Variants in CS observed in about 807,000 individuals in gnomAD.
The protein encoded by CS is citrate synthase, also known as citrate synthase, mitochondrial.
In CS, 13 loss-of-function variants were observed where a neutral mutation model predicts 61.4. That is an observed-to-expected ratio of 0.21 (90% CI 0.14 to 0.34). The LOEUF (loss-of-function observed/expected upper bound fraction) is 0.34. CS is among the 10% of genes least tolerant of loss of function. The pLI is 1.00. For synonymous variants in CS, 159 were observed against 215.2 expected (o/e 0.74, Z 2.29); for missense variants, 278 against 573.4 (o/e 0.48, Z 5.26).
chr12:56,283,445 G>A (rs1250786726), intron 4 of CS, among the ~76,000 whole-genome samples: 5 of 151,934 alleles, frequency 3.3e-5, no homozygotes, highest in African/African-American at 7.3e-5. Flanking sequence ...GGGTTTCGCC[G>A]TGTTAGCCAG....
intron 1 of CS, among the ~76,000 whole-genome samples, chr12:56,295,094 CTT>C (rs113506359): frequency 9.9e-5 from 14 of 141,604 alleles, no homozygotes; most frequent in African/African-American, 1.6e-4. Flanking sequence ...ATTTAATGAA[CTT>C]TTTTTTTTTT....
rs748206006 is a variant in CS at position 56,282,478 on chromosome 12, C to T, written c.530G>A (p.Ser177Asn). The T allele has an allele frequency of 5.0e-6, 8 of 1,613,582 alleles. No homozygotes were observed. Among genetic ancestry groups the T allele is most frequent in the Non-Finnish European group, 6.8e-6 (8 of 1,179,858 alleles). Residue 177 changes from serine (S) to asparagine (N), a missense_variant, in exon 6 of 11, where the codon AGT (serine) becomes AAT (asparagine). This residue lies in a region of CS where 223 missense variants were observed against 503.5 expected (regional missense o/e 0.44). Coordinates refer to ENST00000351328, the MANE Select transcript of CS (RefSeq NM_004077.3). Reference sequence around the variant, plus strand: ...ATATGCTCGGGCAAAGTTACTTTCACTGTTGAGGGCTGTAACAGCTGCACT... The same window carrying T: ...ATATGCTCGGGCAAAGTTACTTTCATTGTTGAGGGCTGTAACAGCTGCACT... ...QLSAAVTALN[S>N]ESNFARAYAQ...
chr12:56,278,157 G>A (rs1321877931), intron 6 of CS, among the ~76,000 whole-genome samples: 1 of 151,390 alleles, frequency 6.6e-6, no homozygotes, highest in Non-Finnish European at 1.5e-5. Flanking sequence ...TTGAGACGGA[G>A]TCTCACCCTG....
At chr12:56,274,607 G>A in intron 9 of CS, 170 bp downstream of exon 9, 1 of 563,526 alleles carries the variant, frequency 1.8e-6, no homozygotes, top group Non-Finnish European at 3.1e-6. Context: ...GGGACTACAG[G>A]TGCATGCCAT....
rs749108006 is a variant in CS at position 56,285,933 on chromosome 12, G to C, written c.184C>G (p.Gln62Glu). 26 of 1,612,150 alleles carry C rather than the reference G, an allele frequency of 1.6e-5. No homozygotes were observed. Among genetic ancestry groups the C allele is most frequent in the Non-Finnish European group, 2.0e-5 (24 of 1,179,790 alleles). Residue 62 changes from glutamine (Q) to glutamate (E), a missense_variant, in exon 3 of 11, where the codon CAA (glutamine) becomes GAA (glutamate). Gln to Glu is a conservative substitution (Grantham distance 29). This residue lies in a region of CS where 223 missense variants were observed against 503.5 expected (regional missense o/e 0.44). Transcript: ENST00000351328. Reference sequence around the variant, plus strand: ...ACCCTTACCATGTCCACAGTGATTTGGCCCACCACCGTCTTGCCATGTTGC... The same window carrying C: ...ACCCTTACCATGTCCACAGTGATTTCGCCCACCACCGTCTTGCCATGTTGC... ...RQQHGKTVVGQITVDMMYGGM... is the reference protein window; with the variant it reads ...RQQHGKTVVGEITVDMMYGGM...
chr12:56,285,410 G>A (rs1872912505), intron 3 of CS, among the ~76,000 whole-genome samples: 1 of 152,250 alleles, frequency 6.6e-6, no homozygotes, highest in South Asian at 2.1e-4. Flanking sequence ...TGCCTCCCCA[G>A]TAGCTGGGAC....
In CS at chr12:56,274,757, C is replaced by T. The variant is rs371772089; in HGVS notation, c.1020+20G>A. 269 of 1,506,122 alleles carry T rather than the reference C, an allele frequency of 1.8e-4. No homozygotes were observed. Among genetic ancestry groups the T allele is most frequent in the Non-Finnish European group, 2.2e-4 (252 of 1,120,852 alleles). The allele number at this position is 1,506,122 out of a possible 1,614,324, so 93.3% of individuals were successfully genotyped here. A position where few individuals can be genotyped will look rare whatever the true frequency, so the allele number is the denominator to read the frequency against. On this transcript the variant is annotated intron_variant, in intron 9 of 10. Transcript: ENST00000351328. ...CTTGTGTCTTGGTTTCTTTCCTAGT[C>T]GTTAAGCATCTCTGCTTACCCGTCC...
At chr12:56,276,241 C>T (rs1190785822) in intron 6 of CS, 46 bp from the exon 7 acceptor site, 1 of 1,586,132 alleles carries the variant, frequency 6.3e-7, no homozygotes, top group Admixed American at 1.7e-5. Context: ...GAATTATCAG[C>T]AAAGAAGAAT....
At chr12:56,276,984 G>A (rs1455788872) in intron 6 of CS, among the ~76,000 whole-genome samples, 3 of 152,094 alleles carry the variant, frequency 2.0e-5, no homozygotes, top group African/African-American at 7.2e-5. Flanking sequence ...CAGATCATTT[G>A]AGGTCAGGAG....
intron 5 of CS, 60 bp downstream of exon 5, chr12:56,282,800 A>C: frequency 6.2e-7 from 1 of 1,607,478 alleles, no homozygotes; most frequent in Non-Finnish European, 8.5e-7. Flanking sequence ...AGTGTCTGAG[A>C]TTAGAGAAAG....
At chr12:56,300,008 A>G (rs972031869) in intron 1 of CS, 152 bp downstream of exon 1, 40 of 677,554 alleles carry the variant, frequency 5.9e-5, no homozygotes, top group Non-Finnish European at 8.4e-5. Flanking sequence ...ATGGTCCTGT[A>G]GCTTCACGCA....
At chr12:56,299,340 C>T (rs901476088) in intron 1 of CS, among the ~76,000 whole-genome samples, 3 of 152,076 alleles carry the variant, frequency 2.0e-5, no homozygotes, top group Non-Finnish European at 4.4e-5. Flanking sequence ...AGTAAAGGAC[C>T]CCAAAGAAGG....
At chr12:56,274,320 TAA>T (rs59911757) in intron 9 of CS, 34 of 124,000 alleles carry the variant, frequency 2.7e-4, no homozygotes, top group South Asian at 5.5e-4. Context: ...AGACTGTCTT[TAA>T]AAAAAAAAAA....
intron 6 of CS, among the ~76,000 whole-genome samples, chr12:56,282,005 C>T (rs946995343): frequency 2.8e-4 from 42 of 152,088 alleles, no homozygotes; most frequent in African/African-American, 8.9e-4. Context: ...ATTACAGGCG[C>T]CCGGCATCAC....
intron 6 of CS, among the ~76,000 whole-genome samples, chr12:56,276,696 C>T (rs1447185673): frequency 1.3e-5 from 2 of 152,154 alleles, no homozygotes; most frequent in African/African-American, 2.4e-5. Flanking sequence ...CATGTGCCAC[C>T]ATACCCGGCT....
chr12:56,279,753 G>A (rs868584426), intron 6 of CS, among the ~76,000 whole-genome samples: 5 of 149,778 alleles, frequency 3.3e-5, no homozygotes, highest in Admixed American at 6.7e-5. Context: ...GCAACAGAGC[G>A]AGACTCCATC....
intron 2 of CS, 85 bp downstream of exon 2, chr12:56,286,510 A>G: frequency 9.4e-7 from 1 of 1,062,738 alleles, no homozygotes; most frequent in East Asian, 2.5e-5. Context: ...GGATAATAAG[A>G]GGCCAGGTGG....
rs760239291 is a variant in CS, at chr12:56,272,795, G to A, written c.*289C>T. The A allele has an allele frequency of 8.3e-5, 20 of 241,282 alleles. No individual in the cohort carries two copies. Among genetic ancestry groups the A allele is most frequent in the Non-Finnish European group, 1.4e-4 (17 of 125,078 alleles). The allele number at this position is 241,282 out of a possible 1,614,324, so 14.9% of individuals were successfully genotyped here. A position where few individuals can be genotyped will look rare whatever the true frequency, so the allele number is the denominator to read the frequency against. ...ACAGGAGCCAGATTCTCACTCTAGA[G>A]ATAGTGAGGGGGCCAAACCTACTCA... On this transcript the variant is annotated 3_prime_UTR_variant, in exon 11 of 11. Transcript: ENST00000351328.
chr12:56,291,333 T>TTTTC lies in CS; in HGVS notation c.43-4692_43-4689dup, dbSNP rs368542302. 408 of 931,958 alleles carry TTTTC rather than the reference T, an allele frequency of 4.4e-4. 1 individual carries two copies. In the Middle Eastern group the frequency reaches 6.4e-3, roughly 15 times the overall value. 57.7% of individuals were successfully genotyped at this position (931,958 alleles called of 1,614,324 possible). A position where few individuals can be genotyped will look rare whatever the true frequency, so the allele number is the denominator to read the frequency against. On this transcript the variant is annotated intron_variant, in intron 1 of 10. Coordinates refer to ENST00000351328, the MANE Select transcript of CS (RefSeq NM_004077.3). ...TGTGGAATACAAAATAAAGTCCCAA[T>TTTTC]TTTCTTTCTTTCTTTCTTTCTTTTT...
Sources: gnomAD v4.1 joint callset for allele counts (sites outside exome capture counted in the v4.1 genomes callset) on GRCh38, gnomAD v4.1.1 for gene constraint, gnomAD v4.1.1 regional missense constraint, MANE v1.5 for transcripts, NCBI Gene and HGNC (gene_info 2026-07-23, HGNC 2026-07-21) for gene names.